Variants in PLD1 observed in about 807,000 individuals in gnomAD.
The protein encoded by PLD1 is choline phosphatase 1.
Under a neutral mutation model 137.1 loss-of-function variants are expected in PLD1, and 112 were observed. The observed-to-expected ratio is 0.82, with a 90% CI of 0.70 to 0.96. The LOEUF (loss-of-function observed/expected upper bound fraction) is 0.96, where lower values mean the gene tolerates loss of function less well. PLD1 is among the 40% of genes least tolerant of loss of function. PLD1 has a pLI of 0.00. For synonymous variants in PLD1, 431 were observed against 454.7 expected (o/e 0.95, Z 0.66); for missense variants, 1,321 against 1,342.0 (o/e 0.98, Z 0.24).
At chr3:171,638,740 A>G (rs1254375730) in intron 23 of PLD1, among the ~76,000 whole-genome samples, 4 of 152,194 alleles carry the variant, frequency 2.6e-5, no homozygotes, top group Non-Finnish European at 4.4e-5. Flanking sequence ...GTATGTATCA[A>G]TCTGACTGGG....
chr3:171,674,297 T>C (rs1010556195), intron 19 of PLD1, among the ~76,000 whole-genome samples: 4 of 152,238 alleles, frequency 2.6e-5, no homozygotes, highest in Non-Finnish European at 4.4e-5. Context: ...GCATTTATTA[T>C]ATTTATAAGA....
At chr3:171,742,496 T>TC (rs1326459972) in intron 1 of PLD1, among the ~76,000 whole-genome samples, 1 of 151,844 alleles carries the variant, frequency 6.6e-6, no homozygotes, top group Non-Finnish European at 1.5e-5. Context: ...AAAAATTCAT[T>TC]TTTTTCTAGC....
At chr3:171,693,583 C>T (rs904583794) in intron 12 of PLD1, among the ~76,000 whole-genome samples, 22 of 152,022 alleles carry the variant, frequency 1.4e-4, no homozygotes, top group African/African-American at 5.1e-4. Context: ...CTTGAATCCT[C>T]CTTATTTTTG....
At chr3:171,721,763 G>A (rs1180091002) in intron 8 of PLD1, among the ~76,000 whole-genome samples, 1 of 149,772 alleles carries the variant, frequency 6.7e-6, no homozygotes, top group African/African-American at 2.5e-5. Context: ...CTCTCCCAGC[G>A]ACAGATCAAG....
chr3:171,655,555 C>G (rs963173187), intron 21 of PLD1, among the ~76,000 whole-genome samples: 7 of 151,998 alleles, frequency 4.6e-5, no homozygotes, highest in Non-Finnish European at 1.0e-4. Context: ...GACAGGTGGT[C>G]TCAAATTTCT....
intron 1 of PLD1, among the ~76,000 whole-genome samples, chr3:171,753,957 T>A (rs975822831): frequency 2.6e-5 from 4 of 152,178 alleles, no homozygotes; most frequent in Non-Finnish European, 5.9e-5. Flanking sequence ...TCTGCAGCTT[T>A]GCGTTCCTCC....
intron 1 of PLD1, among the ~76,000 whole-genome samples, chr3:171,774,040 G>A (rs7636116): frequency 0.46 from 70,360 of 152,000 alleles, 17,052 homozygotes; most frequent in Middle Eastern, 0.68. Flanking sequence ...GAGCCACCGC[G>A]CCCGGCTATT....
intron 1 of PLD1, among the ~76,000 whole-genome samples, chr3:171,747,363 T>C (rs1170731927): frequency 2.0e-5 from 3 of 152,170 alleles, no homozygotes; most frequent in Admixed American, 1.3e-4. Context: ...ACAGTCGATC[T>C]GGATGATGTT....
intron 8 of PLD1, among the ~76,000 whole-genome samples, chr3:171,719,851 T>A (rs1217701288): frequency 6.6e-6 from 1 of 152,212 alleles, no homozygotes; most frequent in Admixed American, 6.5e-5. Flanking sequence ...GAGACCTAAC[T>A]GAAAATTCAA....
At chr3:171,669,428 GT>G (rs1197765386) in intron 19 of PLD1, among the ~76,000 whole-genome samples, 2 of 152,118 alleles carry the variant, frequency 1.3e-5, no homozygotes, top group Non-Finnish European at 2.9e-5. Context: ...TTTTAGACGA[GT>G]TTTGCTCTGT....
intron 13 of PLD1, among the ~76,000 whole-genome samples, chr3:171,689,798 G>C (rs764143910): frequency 6.6e-6 from 1 of 152,166 alleles, no homozygotes; most frequent in Admixed American, 6.5e-5. Flanking sequence ...CACCATACCT[G>C]GCCTTACTGT....
intron 1 of PLD1, among the ~76,000 whole-genome samples, chr3:171,752,100 C>A (rs1292745871): frequency 6.6e-6 from 1 of 151,808 alleles, no homozygotes; most frequent in African/African-American, 2.4e-5. Flanking sequence ...TGCTATACAG[C>A]AGAGAAAATA....
At chr3:171,725,317 T>C (rs1718422372) in intron 7 of PLD1, among the ~76,000 whole-genome samples, 1 of 152,222 alleles carries the variant, frequency 6.6e-6, no homozygotes, top group African/African-American at 2.4e-5. Context: ...GTTGAGACCA[T>C]GGTGCATCTC....
intron 1 of PLD1, among the ~76,000 whole-genome samples, chr3:171,749,832 A>G (rs1229296777): frequency 6.6e-6 from 1 of 152,202 alleles, no homozygotes; most frequent in East Asian, 1.9e-4. Flanking sequence ...TGACGCTTGA[A>G]CTACATAGGC....
At chr3:171,678,320 A>G (rs867643110) in intron 16 of PLD1, among the ~76,000 whole-genome samples, 2 of 152,254 alleles carry the variant, frequency 1.3e-5, no homozygotes, top group Admixed American at 6.5e-5. Flanking sequence ...TTTGGCCTAG[A>G]TAACAGCTAA....
At chr3:171,755,250 A>G (rs1720939580) in intron 1 of PLD1, among the ~76,000 whole-genome samples, 1 of 151,892 alleles carries the variant, frequency 6.6e-6, no homozygotes, top group Non-Finnish European at 1.5e-5. Flanking sequence ...AAAGTTGTCT[A>G]CTTCCTCCTT....
chr3:171,636,809 A>G (rs9881676), intron 23 of PLD1, among the ~76,000 whole-genome samples: 12,012 of 152,160 alleles, frequency 0.079, 1,344 homozygotes, highest in African/African-American at 0.25. Flanking sequence ...ATGTTGACAA[A>G]AGTGAACTTT....
chr3:171,677,326 AT>A (rs1255229839), intron 17 of PLD1, among the ~76,000 whole-genome samples: 2 of 152,218 alleles, frequency 1.3e-5, no homozygotes, highest in African/African-American at 4.8e-5. Context: ...AAATATGCCT[AT>A]AAAAATCTGG....
chr3:171,706,128 A>ATCTG (rs1320872465), intron 11 of PLD1, among the ~76,000 whole-genome samples: 1 of 147,420 alleles, frequency 6.8e-6, no homozygotes, highest in Non-Finnish European at 1.5e-5. Context: ...CAGTCAGTCT[A>ATCTG]TCTATCTATC....
Sources: gnomAD v4.1 joint callset for allele counts (sites outside exome capture counted in the v4.1 genomes callset) on GRCh38, gnomAD v4.1.1 for gene constraint, MANE v1.5 for transcripts, NCBI Gene and HGNC (gene_info 2026-07-23, HGNC 2026-07-21) for gene names.